Variants in UNC13C observed in about 807,000 individuals in gnomAD.
UNC13C encodes the protein protein unc-13 homolog C.
A neutral mutation model predicts 245.4 loss-of-function variants in UNC13C; 174 were observed. That is an observed-to-expected ratio of 0.71 (90% CI 0.63 to 0.80). The LOEUF (loss-of-function observed/expected upper bound fraction) is 0.80, where lower values mean the gene tolerates loss of function less well. UNC13C is among the 30% of genes least tolerant of loss of function. The pLI is 0.00. For synonymous variants in UNC13C, 992 were observed against 895.1 expected (o/e 1.11, Z -1.93); for missense variants, 2,829 against 2,602.9 (o/e 1.09, Z -1.89).
At chr15:54,238,203 T>C (rs2035759012) in intron 7 of UNC13C, among the ~76,000 whole-genome samples, 1 of 150,592 alleles carries the variant, frequency 6.6e-6, no homozygotes, top group Non-Finnish European at 1.5e-5. Context: ...GCCTCCCTAG[T>C]AGCTGGGACT....
intron 24 of UNC13C, among the ~76,000 whole-genome samples, chr15:54,517,464 T>G (rs1054013299): frequency 2.6e-5 from 4 of 152,114 alleles, no homozygotes; most frequent in Admixed American, 6.6e-5. Context: ...TCAAGGAGCT[T>G]ACAAGGTGTA....
At chr15:53,888,508 A>T in the UNC13C span, among the ~76,000 whole-genome samples, 4 of 152,066 alleles carry the variant, frequency 2.6e-5, no homozygotes, top group Non-Finnish European at 5.9e-5. Flanking sequence ...TTGCCTGATC[A>T]CTCTGATGAT....
At chr15:54,569,890 G>T (rs1897674605) in intron 30 of UNC13C, among the ~76,000 whole-genome samples, 1 of 151,808 alleles carries the variant, frequency 6.6e-6, no homozygotes, top group South Asian at 2.1e-4. Flanking sequence ...ATGCCTTGTG[G>T]AAACTTATTT....
the UNC13C span, among the ~76,000 whole-genome samples, chr15:53,877,350 A>G: frequency 6.6e-6 from 1 of 152,104 alleles, no homozygotes; most frequent in Non-Finnish European, 1.5e-5. Flanking sequence ...TCCCTCCCTG[A>G]GAGTGAGAGA....
At chr15:54,221,528 C>A (rs1418163748) in intron 4 of UNC13C, among the ~76,000 whole-genome samples, 1 of 151,696 alleles carries the variant, frequency 6.6e-6, no homozygotes, top group Non-Finnish European at 1.5e-5. Flanking sequence ...AATAGGTTTT[C>A]ATAGGTTATC....
the UNC13C span, among the ~76,000 whole-genome samples, chr15:53,895,345 C>CAAAAAAAA: frequency 5.8e-5 from 2 of 34,266 alleles, no homozygotes; most frequent in African/African-American, 2.2e-4. Flanking sequence ...GATTTCATCT[C>CAAAAAAAA]AAAAAAAAAA....
At chr15:54,455,177 C>CTCTCTCTCTCTCTA (rs1388244734) in intron 19 of UNC13C, among the ~76,000 whole-genome samples, 4 of 34,464 alleles carry the variant, frequency 1.2e-4, no homozygotes, top group Non-Finnish European at 1.8e-4. Flanking sequence ...CTCTCTCTCT[C>CTCTCTCTCTCTCTA]TCTCTCTCTC....
the UNC13C span, among the ~76,000 whole-genome samples, chr15:53,859,036 A>T: frequency 4.6e-5 from 7 of 152,098 alleles, no homozygotes; most frequent in Non-Finnish European, 1.0e-4. Context: ...ATTGAAAATA[A>T]TTATCTTTTA....
At chr15:54,214,942 A>C (rs907508111) in intron 4 of UNC13C, among the ~76,000 whole-genome samples, 3 of 151,690 alleles carry the variant, frequency 2.0e-5, no homozygotes, top group Non-Finnish European at 4.4e-5. Flanking sequence ...AATTAAAGGG[A>C]TTTTTTTTCA....
chr15:54,297,991 A>G, intron 12 of UNC13C, 65 bp downstream of exon 12: 1 of 1,147,372 alleles, frequency 8.7e-7, no homozygotes, highest in African/African-American at 1.6e-5. Context: ...ATTATAAAAC[A>G]GAATATTTGG....
chr15:54,415,459 C>A (rs1401005813), intron 19 of UNC13C, among the ~76,000 whole-genome samples: 1 of 152,082 alleles, frequency 6.6e-6, no homozygotes, highest in Admixed American at 6.6e-5. Context: ...AAAATCCTAC[C>A]AAGTTTGCTC....
intron 10 of UNC13C, among the ~76,000 whole-genome samples, chr15:54,289,447 T>C (rs1421449904): frequency 1.3e-5 from 2 of 152,114 alleles, no homozygotes; most frequent in Admixed American, 1.3e-4. Context: ...CCGAGGTGAT[T>C]AAATCTTCAC....
At chr15:54,340,295 C>A (rs2038697945) in intron 17 of UNC13C, among the ~76,000 whole-genome samples, 1 of 152,134 alleles carries the variant, frequency 6.6e-6, no homozygotes, top group African/African-American at 2.4e-5. Context: ...TTAATTAAAT[C>A]CCACCTATTT....
chr15:54,436,092 T>C (rs1218857464), intron 19 of UNC13C, among the ~76,000 whole-genome samples: 1 of 151,990 alleles, frequency 6.6e-6, no homozygotes, highest in Non-Finnish European at 1.5e-5. Flanking sequence ...CAGCAGATGC[T>C]GGAGAGGATG....
intron 25 of UNC13C, among the ~76,000 whole-genome samples, chr15:54,527,273 C>T (rs1462368178): frequency 6.6e-6 from 1 of 152,082 alleles, no homozygotes; most frequent in Non-Finnish European, 1.5e-5. Context: ...CTTTGCTGAG[C>T]CATTTCAGGT....
At chr15:54,169,992 CTT>C (rs74768867) in intron 4 of UNC13C, among the ~76,000 whole-genome samples, 3 of 37,850 alleles carry the variant, frequency 7.9e-5, no homozygotes, top group Non-Finnish European at 1.7e-4. Flanking sequence ...TATCCTTTTT[CTT>C]TTTTTTTTTT....
chr15:54,293,943 AGAT>A lies in UNC13C; in HGVS notation c.3874_3876del (p.Asp1292del). On this transcript the variant is annotated inframe_deletion, in exon 11 of 33. Coordinates refer to ENST00000260323, the MANE Select transcript of UNC13C (RefSeq NM_001080534.3). ...GAATCAAAGTCAGAGTATGGGATGA[AGAT>A]GATGATATTAAATCCAGAGTCAAGC... 6.3e-7 allele frequency: 1 copy of A among 1,589,650 alleles called. No homozygotes were observed. Among genetic ancestry groups the A allele is most frequent in the Non-Finnish European group, 8.5e-7 (1 of 1,170,044 alleles).
At chr15:54,279,751 C>T (rs1596135252) in intron 10 of UNC13C, among the ~76,000 whole-genome samples, 1 of 152,122 alleles carries the variant, frequency 6.6e-6, no homozygotes, top group South Asian at 2.1e-4. Context: ...TTTATTATCT[C>T]CCTAGAGGTC....
intron 19 of UNC13C, among the ~76,000 whole-genome samples, chr15:54,467,280 CTAAT>C (rs1892226292): frequency 6.6e-6 from 1 of 151,608 alleles, no homozygotes; most frequent in Non-Finnish European, 1.5e-5. Context: ...TTTGATGAAA[CTAAT>C]TATGATAATG....
Sources: allele counts gnomAD v4.1 joint callset (sites outside exome capture counted in the v4.1 genomes callset), GRCh38; gene constraint gnomAD v4.1.1; transcripts MANE v1.5; gene names NCBI Gene and HGNC (gene_info 2026-07-23, HGNC 2026-07-21).